BAZ1A: variants seen among roughly 807,000 people sequenced by gnomAD.
The protein encoded by BAZ1A is bromodomain adjacent to zinc finger domain 1A, also known as bromodomain adjacent to zinc finger domain protein 1A.
BAZ1A carries 50 observed loss-of-function variants against 185.2 expected under a neutral mutation model. The observed-to-expected ratio is 0.27, with a 90% confidence interval of 0.22 to 0.34. BAZ1A has a LOEUF of 0.34. BAZ1A is among the 10% of genes least tolerant of loss of function. The probability of loss-of-function intolerance (pLI) is 1.00; values close to 1 mark genes in which losing one functional copy is unlikely to be tolerated. For missense variants in BAZ1A, 1,356 were observed against 1,839.9 expected, an observed-to-expected ratio of 0.74 and a Z score of 4.81; for synonymous variants, 571 against 615.6, an observed-to-expected ratio of 0.93 and a Z score of 1.07.
Position 34,753,060 on chromosome 14 carries a change from GTA to G in BAZ1A, c.*446_*447del, listed in dbSNP as rs1204126823. On this transcript the variant is annotated 3_prime_UTR_variant, in exon 27 of 27. Transcript: ENST00000360310. ...GTTATAAGATTGGATTCATTCATGT[GTA>G]GTGTTGAAAGAATGTACTCAAACAA... 1 of 154,610 alleles carries G rather than the reference GTA, an allele frequency of 6.5e-6. No homozygotes were observed. The highest frequency in any genetic ancestry group is 2.4e-5 in the African/African-American group (1 of 41,426). 9.6% of individuals were successfully genotyped at this position (154,610 alleles called of 1,614,324 possible). A position where few individuals can be genotyped will look rare whatever the true frequency, so the allele number is the denominator to read the frequency against.
In BAZ1A at chr14:34,783,748, CAATT is replaced by C. The variant is rs775390548; in HGVS notation, c.1997+10_1997+13del. ...ACAGCTTTCATTAACACAACTATTA[CAATT>C]ATCTCTTACCTGGCAGCTGCTTCTT... On this transcript the variant is annotated intron_variant, in intron 15 of 26. Coordinates refer to ENST00000360310, the MANE Select transcript of BAZ1A (RefSeq NM_013448.3). 2 of 1,598,698 alleles carry C rather than the reference CAATT, an allele frequency of 1.3e-6. No individual in the cohort carries two copies. Among genetic ancestry groups the C allele is most frequent in the Non-Finnish European group, 1.7e-6 (2 of 1,174,988 alleles).
At chr14:34,798,870 G>A (rs1009483881) in intron 9 of BAZ1A, among the ~76,000 whole-genome samples, 4 of 152,038 alleles carry the variant, frequency 2.6e-5, no homozygotes, top group African/African-American at 9.7e-5. Flanking sequence ...TTGACCCAGC[G>A]ATCCCATTAC....
intron 12 of BAZ1A, 39 bp from the exon 13 acceptor site, chr14:34,786,260 AG>A (rs1218835792): frequency 2.6e-6 from 4 of 1,547,764 alleles, no homozygotes; most frequent in Non-Finnish European, 3.5e-6. Context: ...TGCAAATCAA[AG>A]CTTGAATATT....
At chr14:34,797,420 G>A (rs547990852) in intron 9 of BAZ1A, among the ~76,000 whole-genome samples, 27 of 152,072 alleles carry the variant, frequency 1.8e-4, no homozygotes, top group African/African-American at 5.8e-4. Flanking sequence ...TTAGCCAGGC[G>A]TGGTGGTGGG....
At chr14:34,843,690 C>G (rs1279533204) in intron 3 of BAZ1A, among the ~76,000 whole-genome samples, 1 of 152,032 alleles carries the variant, frequency 6.6e-6, no homozygotes. Context: ...CTATTTTTTT[C>G]CAGTTTTACA....
intron 3 of BAZ1A, among the ~76,000 whole-genome samples, chr14:34,860,586 A>AG (rs2042753853): frequency 6.6e-6 from 1 of 151,798 alleles, no homozygotes; most frequent in Non-Finnish European, 1.5e-5. Context: ...GTCTCACACA[A>AG]TAAAAAGAAT....
chr14:34,773,877 G>A, intron 19 of BAZ1A, 151 bp from the exon 20 acceptor site: 2 of 772,594 alleles, frequency 2.6e-6, no homozygotes, highest in South Asian at 1.8e-5. Flanking sequence ...TTACTAAGTG[G>A]CCAAACTGGA....
chr14:34,838,544 C>G (rs2042363942), intron 3 of BAZ1A, among the ~76,000 whole-genome samples: 1 of 149,248 alleles, frequency 6.7e-6, no homozygotes, highest in Non-Finnish European at 1.5e-5. Context: ...TTTTTGGAGA[C>G]AGAGTCTCCC....
At chr14:34,760,909 A>C (rs538088258) in intron 24 of BAZ1A, among the ~76,000 whole-genome samples, 1 of 152,288 alleles carries the variant, frequency 6.6e-6, no homozygotes, top group African/African-American at 2.4e-5. Flanking sequence ...AGGGAAAGGA[A>C]GAGATTATGA....
chr14:34,817,268 G>A (rs2042020410), intron 4 of BAZ1A, among the ~76,000 whole-genome samples: 1 of 151,328 alleles, frequency 6.6e-6, no homozygotes, highest in Non-Finnish European at 1.5e-5. Context: ...TTAAAACTCT[G>A]GTGGTCAGAA....
Position 34,862,054 on chromosome 14 carries a change from T to C in BAZ1A, c.382A>G (p.Asn128Asp). Residue 128 changes from asparagine to aspartate, a missense_variant, in exon 3 of 27, where the codon AAT becomes GAT. Asn to Asp is a conservative substitution (Grantham distance 23). Transcript: ENST00000360310. ...TTAAAAGTACTTTACCTTGCACCAT[T>C]GTTCCTAATGACTTCCACAGTTTCT... is the stretch of plus-strand genomic sequence containing the variant. ...VEETVEVIRN[N>D]GARLQCRILE... 1.9e-6 allele frequency: 3 copies of C among 1,613,972 alleles called. No homozygotes were observed. Among genetic ancestry groups the C allele is most frequent in the South Asian group, 2.2e-5 (2 of 91,084 alleles).
chr14:34,872,662 AT>A (rs1391929640), intron 2 of BAZ1A, among the ~76,000 whole-genome samples: 2 of 152,116 alleles, frequency 1.3e-5, no homozygotes, highest in Non-Finnish European at 2.9e-5. Context: ...AAAAATCTGT[AT>A]TTCAGCAATT....
intron 3 of BAZ1A, chr14:34,845,321 G>T (rs2042492974): frequency 7.1e-6 from 1 of 141,636 alleles, no homozygotes; most frequent in African/African-American, 2.6e-5. Context: ...AGCAAAAACT[G>T]GAAAGCCTGC....
At chr14:34,773,924 A>C (rs975857355) in intron 19 of BAZ1A, among the ~76,000 whole-genome samples, 198 bp from the exon 20 acceptor site, 6 of 152,242 alleles carry the variant, frequency 3.9e-5, no homozygotes, top group Non-Finnish European at 5.9e-5. Flanking sequence ...ATAATGCCTT[A>C]CTTTCTGTAT....
chr14:34,852,715 A>T lies in BAZ1A; in HGVS notation c.392+9329T>A, dbSNP rs576091550. On this transcript the variant is annotated intron_variant, in intron 3 of 26. Coordinates refer to ENST00000360310, the MANE Select transcript of BAZ1A (RefSeq NM_013448.3). Reference sequence around the variant, plus strand: ...GCAACATTCTATAATATAGCTTTTTAAAAAAATCAGATTTATTACATCATT... The same window carrying T: ...GCAACATTCTATAATATAGCTTTTTTAAAAAATCAGATTTATTACATCATT... Among the ~76,000 whole-genome samples, 182 of 152,332 alleles carry T rather than the reference A, an allele frequency of 1.2e-3. 1 individual carries two copies. Among genetic ancestry groups the T allele is most frequent in the South Asian group, 6.8e-3 (33 of 4,828 alleles).
At chr14:34,816,248 T>C (rs1469564818) in intron 4 of BAZ1A, among the ~76,000 whole-genome samples, 1 of 151,838 alleles carries the variant, frequency 6.6e-6, no homozygotes, top group Non-Finnish European at 1.5e-5. Flanking sequence ...CCACCACGCC[T>C]GGCTAATTTT....
chr14:34,871,311 A>G (rs894510859), intron 2 of BAZ1A, among the ~76,000 whole-genome samples: 3 of 152,046 alleles, frequency 2.0e-5, no homozygotes, highest in African/African-American at 4.8e-5. Flanking sequence ...TCCCACCTCA[A>G]CCTCCCAAAA....
chr14:34,794,922 C>A, intron 10 of BAZ1A, 35 bp from the exon 11 acceptor site: 17 of 1,594,948 alleles, frequency 1.1e-5, no homozygotes, highest in South Asian at 2.3e-5. Context: ...ACTATTTGAA[C>A]CAAGAGCAGG....
At chr14:34,873,739 TG>T (rs1031743237) in intron 2 of BAZ1A, among the ~76,000 whole-genome samples, 2 of 151,402 alleles carry the variant, frequency 1.3e-5, no homozygotes, top group Non-Finnish European at 2.9e-5. Context: ...TCTTCCTCAC[TG>T]ATCTCCCGGG....
Sources: gnomAD v4.1 joint callset for allele counts (sites outside exome capture counted in the v4.1 genomes callset) on GRCh38, gnomAD v4.1.1 for gene constraint, MANE v1.5 for transcripts, NCBI Gene and HGNC (gene_info 2026-07-23, HGNC 2026-07-21) for gene names.